AGBL4: variants seen among roughly 807,000 people sequenced by gnomAD.
AGBL4 encodes the protein AGBL carboxypeptidase 4.
A neutral mutation model predicts 66.4 loss-of-function variants in AGBL4; 58 were observed. That is an observed-to-expected ratio of 0.87 (90% confidence interval 0.71 to 1.09). The LOEUF (loss-of-function observed/expected upper bound fraction) is 1.09, where lower values mean the gene tolerates loss of function less well. Ranked by LOEUF, AGBL4 falls within the 50% of genes least tolerant of loss-of-function variation. The pLI is 0.00. For synonymous variants in AGBL4, 234 were observed against 222.9 expected, an observed-to-expected ratio of 1.05 and a Z score of -0.44; for missense variants, 579 against 631.0, an observed-to-expected ratio of 0.92 and a Z score of 0.88.
chr1:48,937,605 G>A lies in AGBL4; in HGVS notation c.595-70375C>T, dbSNP rs939552427. On this transcript the variant is annotated intron_variant, in intron 5 of 13. Coordinates refer to ENST00000371839, the MANE Select transcript of AGBL4 (RefSeq NM_032785.4). ...CTGCAAACATTTGACATTTGAAAGT[G>A]TTTTTTTTCCTCTTTTTTTCTTTTG... Among the ~76,000 whole-genome samples the A allele has an allele frequency of 2.0e-5, 3 of 151,694 alleles. No individual in the cohort carries two copies. The South Asian group carries it at 6.3e-4, about 32-fold the overall frequency.
chr1:50,007,223 G>T (rs767998277), intron 1 of AGBL4, among the ~76,000 whole-genome samples: 3 of 151,796 alleles, frequency 2.0e-5, no homozygotes, highest in Non-Finnish European at 4.4e-5. Context: ...ACTATATGAC[G>T]TACACAAAAA....
rs1290397408 is a variant in AGBL4 at position 49,848,580 on chromosome 1, T to C, written c.157+2816A>G. ...CTCAAAAGCAGAAAGTCAATACACA[T>C]GTTCTCATTTATAAGTGAGAGCTAA... On this transcript the variant is annotated intron_variant, in intron 2 of 13. Coordinates refer to ENST00000371839, the MANE Select transcript of AGBL4 (RefSeq NM_032785.4). 2.6e-5 allele frequency among the ~76,000 whole-genome samples: 4 copies of C among 152,314 alleles called. No individual in the cohort carries two copies. In the East Asian group the frequency reaches 7.7e-4, roughly 29 times the overall value.
At chr1:49,936,378 G>C (rs960945967) in intron 1 of AGBL4, among the ~76,000 whole-genome samples, 1 of 152,198 alleles carries the variant, frequency 6.6e-6, no homozygotes, top group Non-Finnish European at 1.5e-5. Flanking sequence ...ACCTTAAAGT[G>C]ACGGGGAGAA....
intron 1 of AGBL4, among the ~76,000 whole-genome samples, chr1:49,917,507 A>C (rs1331592677): frequency 6.6e-6 from 1 of 152,208 alleles, no homozygotes; most frequent in Non-Finnish European, 1.5e-5. Flanking sequence ...ATAATGGTAA[A>C]GGGATCAATT....
At chr1:49,990,844 T>C (rs1467738707) in intron 1 of AGBL4, among the ~76,000 whole-genome samples, 1 of 152,238 alleles carries the variant, frequency 6.6e-6, no homozygotes, top group Non-Finnish European at 1.5e-5. Context: ...GTGTAGGATA[T>C]GTTTAGCACA....
chr1:50,023,708 G>T, intron 1 of AGBL4, 55 bp downstream of exon 1: 2 of 1,528,334 alleles, frequency 1.3e-6, no homozygotes, highest in South Asian at 2.5e-5. Context: ...TGTTGCCTGA[G>T]ACCCAGGACA....
chr1:48,621,613 G>A (rs1273534735), intron 9 of AGBL4, among the ~76,000 whole-genome samples: 1 of 152,098 alleles, frequency 6.6e-6, no homozygotes, highest in Non-Finnish European at 1.5e-5. Context: ...AAACCTAGTT[G>A]TTATATATGT....
intron 3 of AGBL4, among the ~76,000 whole-genome samples, chr1:49,536,266 G>A (rs894178320): frequency 6.6e-6 from 1 of 152,074 alleles, no homozygotes; most frequent in Non-Finnish European, 1.5e-5. Context: ...AGCTTTTAGA[G>A]CCCCCTGTGT....
chr1:49,531,328 A>G (rs532440992), intron 3 of AGBL4, among the ~76,000 whole-genome samples: 18 of 152,180 alleles, frequency 1.2e-4, no homozygotes, highest in African/African-American at 4.3e-4. Flanking sequence ...TGCAAAACAA[A>G]AAGATTTAAA....
intron 9 of AGBL4, among the ~76,000 whole-genome samples, chr1:48,627,369 G>GGA (rs1645519842): frequency 6.6e-6 from 1 of 152,020 alleles, no homozygotes; most frequent in Non-Finnish European, 1.5e-5. Flanking sequence ...TGATATTTGT[G>GGA]AATGTATGTG....
chr1:48,737,721 A>G (rs1319472984), intron 6 of AGBL4, among the ~76,000 whole-genome samples: 1 of 152,218 alleles, frequency 6.6e-6, no homozygotes, highest in Non-Finnish European at 1.5e-5. Flanking sequence ...CTGCATCTTT[A>G]GTAAATCTAA....
chr1:48,564,469 A>C (rs1408820666), intron 11 of AGBL4, among the ~76,000 whole-genome samples: 2 of 149,434 alleles, frequency 1.3e-5, no homozygotes, highest in Non-Finnish European at 3.0e-5. Context: ...CACTGTCTTT[A>C]CCTCTGGGCT....
chr1:49,713,405 ATAGT>A (rs1293016329), intron 2 of AGBL4, among the ~76,000 whole-genome samples: 1 of 152,044 alleles, frequency 6.6e-6, no homozygotes, highest in Non-Finnish European at 1.5e-5. Context: ...ATTAACATAG[ATAGT>A]TCTATACAAT....
intron 4 of AGBL4, among the ~76,000 whole-genome samples, chr1:49,226,004 CTTAAGT>C (rs1464764334): frequency 2.6e-5 from 4 of 152,176 alleles, no homozygotes; most frequent in Admixed American, 2.0e-4. Flanking sequence ...TCAAGATAAT[CTTAAGT>C]TTAAGGATGA....
intron 3 of AGBL4, among the ~76,000 whole-genome samples, chr1:49,629,600 C>G (rs1571208730): frequency 6.6e-6 from 1 of 152,288 alleles, no homozygotes; most frequent in African/African-American, 2.4e-5. Context: ...AACCTCCGCT[C>G]TAACAGAGGC....
chr1:49,317,041 T>C (rs1450210648), intron 3 of AGBL4, among the ~76,000 whole-genome samples: 1 of 151,964 alleles, frequency 6.6e-6, no homozygotes, highest in Non-Finnish European at 1.5e-5. Flanking sequence ...TTTTACATTT[T>C]TGTCTCTATA....
intron 4 of AGBL4, among the ~76,000 whole-genome samples, chr1:49,125,241 ATATT>A (rs1645742388): frequency 6.6e-6 from 1 of 152,170 alleles, no homozygotes; most frequent in East Asian, 1.9e-4. Context: ...AAACAATAGA[ATATT>A]TATTTGGTAC....
intron 6 of AGBL4, among the ~76,000 whole-genome samples, chr1:48,800,422 G>A (rs1208944308): frequency 2.0e-5 from 3 of 152,170 alleles, no homozygotes; most frequent in Non-Finnish European, 4.4e-5. Flanking sequence ...ATGGTCTATC[G>A]ATTTTGTTTA....
intron 6 of AGBL4, among the ~76,000 whole-genome samples, chr1:48,693,526 A>G (rs1646667563): frequency 6.6e-6 from 1 of 152,176 alleles, no homozygotes; most frequent in African/African-American, 2.4e-5. Context: ...GTGTGCATGT[A>G]GACAGGTCAA....
Sources: allele counts gnomAD v4.1 joint callset (sites outside exome capture counted in the v4.1 genomes callset), GRCh38; gene constraint gnomAD v4.1.1; transcripts MANE v1.5; gene names NCBI Gene and HGNC (gene_info 2026-07-23, HGNC 2026-07-21).